Variants in FAAH2 observed in about 807,000 individuals in gnomAD.
The protein encoded by FAAH2 is fatty acid amide hydrolase 2.
In FAAH2, 60 loss-of-function variants were observed where a neutral mutation model predicts 36.9. That is an observed-to-expected ratio of 1.63 (90% CI 1.32 to 2.02). The LOEUF is 2.02. FAAH2 is among the 30% of genes most tolerant of loss of function. FAAH2 has a pLI of 0.00. For missense variants in FAAH2, 689 were observed against 397.5 expected (o/e 1.73, Z -6.23); for synonymous variants, 214 against 143.8 (o/e 1.49, Z -3.49).
intron 1 of FAAH2, among the ~76,000 whole-genome samples, chrX:57,292,152 AT>A (rs755969550): frequency 1.3e-4 from 15 of 111,226 alleles, no homozygotes; most frequent in African/African-American, 2.9e-4. Flanking sequence ...AACAATATCT[AT>A]TTTTTTATTG....
chrX:57,157,490 A>G, the FAAH2 span, among the ~76,000 whole-genome samples: 2 of 111,252 alleles, frequency 1.8e-5, no homozygotes, highest in Non-Finnish European at 3.8e-5. Flanking sequence ...GTTGCATTCC[A>G]CTGTGACAAG....
chrX:57,391,170 G>T (rs2055157985), intron 7 of FAAH2, among the ~76,000 whole-genome samples: 2 of 110,132 alleles, frequency 1.8e-5, no homozygotes, highest in African/African-American at 6.6e-5. Context: ...CTTTTTAATG[G>T]GGTTTTTTTT....
At chrX:57,370,829 G>C (rs758267287) in intron 5 of FAAH2, among the ~76,000 whole-genome samples, 1 of 111,790 alleles carries the variant, frequency 8.9e-6, no homozygotes, top group Non-Finnish European at 1.9e-5. Flanking sequence ...AGACTCTAAT[G>C]CCTGATGATC....
chrX:57,370,126 C>A (rs905657434), intron 5 of FAAH2, among the ~76,000 whole-genome samples: 1 of 110,407 alleles, frequency 9.1e-6, no homozygotes, highest in African/African-American at 3.3e-5. Flanking sequence ...AAATGACAAA[C>A]GTAAAAAAAT....
the FAAH2 span, among the ~76,000 whole-genome samples, chrX:57,148,884 C>G: frequency 9.0e-6 from 1 of 111,323 alleles, no homozygotes; most frequent in Non-Finnish European, 1.9e-5. Context: ...CAGTATGATA[C>G]TGGCTGTGGG....
chrX:57,324,194 G>A (rs1335977407), intron 3 of FAAH2, among the ~76,000 whole-genome samples: 15 of 111,519 alleles, frequency 1.3e-4, no homozygotes, highest in African/African-American at 4.6e-4. Context: ...TGTTCCATTG[G>A]TCTATATCTC....
At chrX:57,345,267 C>A (rs1420593453) in intron 5 of FAAH2, among the ~76,000 whole-genome samples, 1 of 107,944 alleles carries the variant, frequency 9.3e-6, no homozygotes, top group Non-Finnish European at 1.9e-5. Context: ...TGGTCGATGT[C>A]TTTTGTGCAT....
intron 8 of FAAH2, among the ~76,000 whole-genome samples, chrX:57,440,041 C>T (rs2056514040): frequency 9.0e-6 from 1 of 111,617 alleles, no homozygotes; most frequent in African/African-American, 3.3e-5. Context: ...AGCGTGATGC[C>T]TCCAGCTTTG....
At chrX:57,370,653 G>T (rs147174246) in intron 5 of FAAH2, among the ~76,000 whole-genome samples, 1 of 112,220 alleles carries the variant, frequency 8.9e-6, no homozygotes, top group East Asian at 2.8e-4. Context: ...CCAGTCCATC[G>T]CCTGTTAGAA....
chrX:57,366,451 C>T (rs1406029235), intron 5 of FAAH2, among the ~76,000 whole-genome samples: 1 of 112,340 alleles, frequency 8.9e-6, no homozygotes, highest in African/African-American at 3.2e-5. Flanking sequence ...CCATTGGTGA[C>T]AACACTAACA....
intron 5 of FAAH2, among the ~76,000 whole-genome samples, chrX:57,373,820 G>C (rs753503608): frequency 1.8e-5 from 2 of 111,220 alleles, no homozygotes; most frequent in South Asian, 7.5e-4. Context: ...AGGGTCTTTC[G>C]ATATTATTTT....
intron 3 of FAAH2, among the ~76,000 whole-genome samples, chrX:57,311,773 G>C (rs1229213172): frequency 2.7e-5 from 3 of 112,140 alleles, no homozygotes; most frequent in African/African-American, 9.7e-5. Context: ...CAACCTCAGT[G>C]TATTGATGCA....
At chrX:57,259,215 A>G in the FAAH2 span, among the ~76,000 whole-genome samples, 1 of 112,032 alleles carries the variant, frequency 8.9e-6, no homozygotes, top group Non-Finnish European at 1.9e-5. Flanking sequence ...TAATTAAAAT[A>G]GAAATACCAT....
At chrX:57,375,111 A>G (rs990704070) in intron 5 of FAAH2, among the ~76,000 whole-genome samples, 1 of 110,040 alleles carries the variant, frequency 9.1e-6, no homozygotes, top group Non-Finnish European at 1.9e-5. Flanking sequence ...ATGATGTTGG[A>G]TTCAGTTATC....
the FAAH2 span, among the ~76,000 whole-genome samples, chrX:57,264,214 A>C: frequency 1.8e-5 from 2 of 112,115 alleles, no homozygotes; most frequent in Non-Finnish European, 3.8e-5. Context: ...AAACTGATCA[A>C]TTGTACCAGA....
At chrX:57,466,156 C>CTCTCTCTCTATATATATATA (rs1287266105) in intron 10 of FAAH2, among the ~76,000 whole-genome samples, 1 of 66,417 alleles carries the variant, frequency 1.5e-5, no homozygotes, top group African/African-American at 5.9e-5. Context: ...CTCTCTCTCT[C>CTCTCTCTCTATATATATATA]TATATATATA....
the FAAH2 span, among the ~76,000 whole-genome samples, chrX:57,205,849 G>C: frequency 2.9e-4 from 32 of 112,140 alleles, no homozygotes; most frequent in Non-Finnish European, 5.1e-4. Context: ...ATAAAAGCTT[G>C]CTGTATTTGT....
chrX:57,312,342 C>A (rs1311137349), intron 3 of FAAH2, among the ~76,000 whole-genome samples: 1 of 111,924 alleles, frequency 8.9e-6, no homozygotes, highest in Non-Finnish European at 1.9e-5. Context: ...AATATGTGCA[C>A]CTGTGAAACC....
At chrX:57,282,235 G>A (rs1002872735), upstream of FAAH2, among the ~76,000 whole-genome samples, 43 of 111,928 alleles carry the variant, frequency 3.8e-4, no homozygotes, top group African/African-American at 1.3e-3. Context: ...GCATGTGTTA[G>A]TTTTTTGACA....
Sources: allele counts gnomAD v4.1 joint callset (sites outside exome capture counted in the v4.1 genomes callset), GRCh38; gene constraint gnomAD v4.1.1; transcripts MANE v1.5; gene names NCBI Gene and HGNC (gene_info 2026-07-23, HGNC 2026-07-21).